Variants in NEB observed in about 807,000 individuals in gnomAD.
The protein encoded by NEB is nemaline myopathy type 2.
In NEB, 512 loss-of-function variants were observed where a neutral mutation model predicts 952.2. That is an observed-to-expected ratio of 0.54 (90% CI 0.50 to 0.58). The LOEUF (loss-of-function observed/expected upper bound fraction) is 0.58. Ranked by LOEUF, NEB falls within the 20% of genes least tolerant of loss-of-function variation. The pLI, the probability that NEB is intolerant of heterozygous loss-of-function variation, is 0.00. For missense variants in NEB, 8,428 were observed against 9,231.1 expected, an observed-to-expected ratio of 0.91 and a Z score of 3.56; for synonymous variants, 2,900 against 3,149.8, an observed-to-expected ratio of 0.92 and a Z score of 2.66.
intron 37 of NEB, among the ~76,000 whole-genome samples, chr2:151,671,562 C>T (rs529481412): frequency 2.0e-5 from 3 of 151,566 alleles, no homozygotes; most frequent in Non-Finnish European, 4.4e-5. Context: ...TATTATGAAG[C>T]CTAATAAAAT....
chr2:151,504,670 C>T (rs1331827297), intron 165 of NEB, among the ~76,000 whole-genome samples: 1 of 152,210 alleles, frequency 6.6e-6, no homozygotes, highest in African/African-American at 2.4e-5. Flanking sequence ...TGGCCATAAA[C>T]TATTTCCCAA....
intron 46 of NEB, among the ~76,000 whole-genome samples, chr2:151,660,851 C>T (rs544836440): frequency 2.0e-5 from 3 of 152,306 alleles, no homozygotes; most frequent in African/African-American, 7.2e-5. Context: ...TGGAAATGTT[C>T]TGCATAATCC....
At position 151,547,646 on chromosome 2, in the gene NEB, C is replaced by T. The variant is rs764775310; in HGVS notation, c.20250G>A (p.Glu6750=). 3.1e-6 allele frequency: 5 copies of T among 1,613,630 alleles called. 1 individual carries two copies. In the South Asian group the frequency reaches 3.3e-5, roughly 11 times the overall value. ...AGAAAATACCCACCTCACTGACAGC[C>T]TCTTGTGTCTTCTTGACTTGGCGGA... The part of the protein sequence containing the change: ...PEIRQVKKTQ[E]AVSELIYKSD... The change falls in exon 132 of 182, where the codon GAG becomes GAA. Residue 6750 remains glutamate, a synonymous_variant. Coordinates refer to ENST00000397345, the MANE Select transcript of NEB (RefSeq NM_001164508.2).
rs2091563248 is a variant in NEB, at chr2:151,532,158, G to A, written c.21418-262C>T. The stretch of plus-strand genomic sequence containing the variant: ...GTCACCCAGGCTGGAGTGCAGTGGT[G>A]CGATCTCGGCTCACTGCAACCTCCA... On this transcript the variant is annotated intron_variant, in intron 143 of 181. Transcript: ENST00000397345. 2.2e-5 allele frequency: 6 copies of A among 274,058 alleles called. No homozygotes were observed. The South Asian group carries it at 3.1e-4, about 14-fold the overall frequency. The allele number at this position is 274,058 out of a possible 1,614,324, so 17.0% of individuals were successfully genotyped here.
intron 13 of NEB, among the ~76,000 whole-genome samples, chr2:151,697,989 C>T (rs2099608758): frequency 6.6e-6 from 1 of 152,168 alleles, no homozygotes; most frequent in African/African-American, 2.4e-5. Flanking sequence ...TTGCTTGAAC[C>T]CGGGAGGCGG....
At position 151,664,359 on chromosome 2, in the gene NEB, G is replaced by A. The variant is rs1163646874; in HGVS notation, c.5451+142C>T. On this transcript the variant is annotated intron_variant, in intron 44 of 181. Transcript: ENST00000397345. ...GATGATTAGAGGGTACTTGGATGGG[G>A]TGAAGGGAGGTGTCTTGTGTCACAT... 6 of 582,612 alleles carry A rather than the reference G, an allele frequency of 1.0e-5. No homozygotes were observed. The South Asian group carries it at 1.6e-4, about 16-fold the overall frequency. 36.1% of individuals were successfully genotyped at this position (582,612 alleles called of 1,614,324 possible).
intron 173 of NEB, 129 bp from the exon 174 acceptor site, chr2:151,494,382 G>T: frequency 1.5e-6 from 1 of 661,506 alleles, no homozygotes; most frequent in Non-Finnish European, 2.6e-6. Context: ...AGGTTAGATG[G>T]AAAGTAGTAT....
At chr2:151,495,305 C>T (rs894097733) in intron 173 of NEB, 1 of 152,166 alleles carries the variant, frequency 6.6e-6, no homozygotes, top group Non-Finnish European at 1.5e-5. Flanking sequence ...TGATTCTCAA[C>T]GTGGGGTCCT....
chr2:151,706,681 C>A (rs1039753507), intron 13 of NEB, among the ~76,000 whole-genome samples, 200 bp downstream of exon 13: 1 of 152,188 alleles, frequency 6.6e-6, no homozygotes, highest in African/African-American at 2.4e-5. Context: ...ATTGAATTAA[C>A]CCCACAGAAC....
At chr2:151,575,832 T>C (rs776955399) in intron 106 of NEB, 33 bp from the exon 107 acceptor site, 2 of 1,402,454 alleles carry the variant, frequency 1.4e-6, no homozygotes, top group Admixed American at 1.7e-5. Flanking sequence ...TAAAATTACT[T>C]CACAATTTTC....
In NEB at chr2:151,554,922, C is replaced by T. The variant is rs770023245; in HGVS notation, c.19428+9G>A. The stretch of plus-strand genomic sequence containing the variant: ...TCCTAGTCATTAAGGGGCGCATGAC[C>T]GTACTTACATCGATGTTAAGCTTGC... On this transcript the variant is annotated intron_variant, in intron 125 of 181. Transcript: ENST00000397345. 5.0e-6 allele frequency: 8 copies of T among 1,586,126 alleles called. No individual in the cohort carries two copies. The highest frequency in any genetic ancestry group is 4.5e-5 in the East Asian group (2 of 44,742).
chr2:151,575,943 T>C (rs377554789), intron 106 of NEB, 144 bp from the exon 107 acceptor site: 1 of 760,972 alleles, frequency 1.3e-6, no homozygotes, highest in East Asian at 2.5e-5. Context: ...TTCACGTAAG[T>C]TACTCAAATT....
At chr2:151,575,480 T>C (rs2096795609) in intron 107 of NEB, among the ~76,000 whole-genome samples, 1 of 152,232 alleles carries the variant, frequency 6.6e-6, no homozygotes, top group Admixed American at 6.5e-5. Context: ...GAGACTTTTG[T>C]TGTGGAGATA....
intron 124 of NEB, among the ~76,000 whole-genome samples, chr2:151,557,859 G>A (rs1252692301): frequency 6.6e-6 from 1 of 152,172 alleles, no homozygotes; most frequent in Non-Finnish European, 1.5e-5. Flanking sequence ...GGTATTGATG[G>A]AATGTATCTC....
chr2:151,601,619 G>A (rs1229551503), intron 88 of NEB, among the ~76,000 whole-genome samples: 1 of 57,298 alleles, frequency 1.7e-5, no homozygotes, highest in Non-Finnish European at 3.3e-5. Context: ...AGAATTCTCT[G>A]TACTATGAAA....
Position 151,570,238 on chromosome 2 carries a change from A to G in NEB, c.17273T>C (p.Ile5758Thr). Residue 5758 changes from isoleucine to threonine, a missense_variant, in exon 109 of 182, where the codon ATC (isoleucine) becomes ACC (threonine). By Grantham distance (89) the Ile-to-Thr change is moderately conservative. Around this residue, in one of 11 missense-constraint regions of NEB, gnomAD observed 3,374 missense variants for 3,651.5 expected, o/e 0.92. Transcript: ENST00000397345. ...GGAAAGCATGTCCACAGGGCTCTGG[A>G]TCTTGGCCTTCCATTTGGCCCAGTC... is the stretch of plus-strand genomic sequence containing the variant. ...RLDWAKWKAK[I>T]QSPVDMLSIL... 1 of 1,613,746 alleles carries G rather than the reference A, an allele frequency of 6.2e-7. No homozygotes were observed. The highest frequency in any genetic ancestry group is 8.5e-7 in the Non-Finnish European group (1 of 1,179,808).
In NEB at chr2:151,524,293, T is replaced by C; in HGVS notation, c.22479+18A>G. The C allele has an allele frequency of 6.3e-7, 1 of 1,599,274 alleles. No homozygotes were observed. Among genetic ancestry groups the C allele is most frequent in the East Asian group, 2.2e-5 (1 of 44,820 alleles). ...AATCTCCTCACATGAGAGCCACCAGTGCACCCATCTGCATTACCTGGCTGC... is the reference window on the plus strand; with the variant it reads ...AATCTCCTCACATGAGAGCCACCAGCGCACCCATCTGCATTACCTGGCTGC... On this transcript the variant is annotated intron_variant, in intron 153 of 181. Coordinates refer to ENST00000397345, the MANE Select transcript of NEB (RefSeq NM_001164508.2).
intron 170 of NEB, chr2:151,497,974 GCCTCCTAAAC>G: frequency 7.0e-7 from 1 of 1,435,786 alleles, no homozygotes; most frequent in Non-Finnish European, 9.1e-7. Context: ...TGAGTACGGT[GCCTCCTAAAC>G]AATCACATGA....
Position 151,636,262 on chromosome 2 carries a change from C to T in NEB, c.9067G>A (p.Val3023Met), listed in dbSNP as rs377375638. Residue 3023 changes from valine to methionine, a missense_variant, in exon 64 of 182, where the codon GTG (valine) becomes ATG (methionine). This residue lies in a region of NEB where 1,772 missense variants were observed against 1,960.3 expected (regional missense o/e 0.90). Coordinates refer to ENST00000397345, the MANE Select transcript of NEB (RefSeq NM_001164508.2). Reference sequence around the variant, plus strand: ...ATGTCCCTGGAGGCCTTGGCCGCCACGATGGGGATGGCGTCGCTTCGCAAG... The same window carrying T: ...ATGTCCCTGGAGGCCTTGGCCGCCATGATGGGGATGGCGTCGCTTCGCAAG... ...YDLRSDAIPI[V>M]AAKASRDIIS... 4.7e-5 allele frequency: 76 copies of T among 1,610,388 alleles called. No individual in the cohort carries two copies. The African/African-American group carries it at 7.2e-4, about 15-fold the overall frequency.
Sources: gnomAD v4.1 joint callset for allele counts (sites outside exome capture counted in the v4.1 genomes callset) on GRCh38, gnomAD v4.1.1 for gene constraint, gnomAD v4.1.1 regional missense constraint, MANE v1.5 for transcripts, NCBI Gene and HGNC (gene_info 2026-07-23, HGNC 2026-07-21) for gene names.